PDE7B: variants seen among roughly 807,000 people sequenced by gnomAD.
The protein encoded by PDE7B is phosphodiesterase 7B, also known as 3',5'-cyclic-AMP phosphodiesterase 7B.
Under a neutral mutation model 56.2 loss-of-function variants are expected in PDE7B, and 29 were observed. That is an observed-to-expected ratio of 0.52 (90% CI 0.38 to 0.70). The LOEUF is 0.70. Ranked by LOEUF, PDE7B falls within the 30% of genes least tolerant of loss-of-function variation. The probability of loss-of-function intolerance (pLI) is 0.00; values close to 1 mark genes in which losing one functional copy is unlikely to be tolerated. For missense variants in PDE7B, 490 were observed against 565.0 expected (o/e 0.87, Z 1.35); for synonymous variants, 197 against 196.9 (o/e 1.00, Z 0.00).
intron 2 of PDE7B, among the ~76,000 whole-genome samples, chr6:136,016,775 T>A (rs1388467967): frequency 6.6e-6 from 1 of 151,952 alleles, no homozygotes; most frequent in African/African-American, 2.4e-5. Context: ...AAAAAAAAAA[T>A]GGCTGTTCTA....
At chr6:136,099,990 A>G (rs915552613) in intron 2 of PDE7B, among the ~76,000 whole-genome samples, 2 of 151,922 alleles carry the variant, frequency 1.3e-5, no homozygotes, top group African/African-American at 4.8e-5. Flanking sequence ...CTTTCTACAT[A>G]TGGCTAGCCA....
intron 1 of PDE7B, among the ~76,000 whole-genome samples, chr6:135,901,025 C>T (rs1206401926): frequency 6.6e-6 from 1 of 152,178 alleles, no homozygotes; most frequent in Non-Finnish European, 1.5e-5. Flanking sequence ...CCACCTTGGA[C>T]TTCCACTTAT....
At chr6:135,944,973 T>C (rs1021790381) in intron 1 of PDE7B, among the ~76,000 whole-genome samples, 1 of 152,208 alleles carries the variant, frequency 6.6e-6, no homozygotes, top group Non-Finnish European at 1.5e-5. Flanking sequence ...ACTCAGAATG[T>C]GAATTGATAG....
At chr6:136,152,946 T>C (rs540759757) in intron 6 of PDE7B, among the ~76,000 whole-genome samples, 2 of 152,238 alleles carry the variant, frequency 1.3e-5, no homozygotes, top group African/African-American at 4.8e-5. Context: ...AGGAGGAAAC[T>C]GAGGGAACTT....
At chr6:135,859,010 G>A (rs1775092780) in intron 1 of PDE7B, among the ~76,000 whole-genome samples, 1 of 151,346 alleles carries the variant, frequency 6.6e-6, no homozygotes, top group Non-Finnish European at 1.5e-5. Flanking sequence ...AGCAAGTAAT[G>A]CTTCTTCTGT....
chr6:135,941,520 A>G (rs767164088), intron 1 of PDE7B, among the ~76,000 whole-genome samples: 2 of 152,300 alleles, frequency 1.3e-5, no homozygotes, highest in South Asian at 2.1e-4. Context: ...CACTTTCCCA[A>G]TTGTGGCCCA....
At chr6:135,984,863 T>A (rs568782032) in intron 2 of PDE7B, among the ~76,000 whole-genome samples, 1 of 151,982 alleles carries the variant, frequency 6.6e-6, no homozygotes, top group Non-Finnish European at 1.5e-5. Context: ...AGCTCAGAGC[T>A]TAGAGCTGTT....
intron 8 of PDE7B, among the ~76,000 whole-genome samples, chr6:136,169,420 C>T (rs1387549950): frequency 3.9e-5 from 6 of 152,178 alleles, no homozygotes; most frequent in African/African-American, 1.4e-4. Context: ...TGCTCATCTC[C>T]AAATACAGTT....
chr6:136,130,021 A>AT (rs1778089800), intron 3 of PDE7B, among the ~76,000 whole-genome samples: 3 of 151,926 alleles, frequency 2.0e-5, no homozygotes, highest in Admixed American at 6.6e-5. Flanking sequence ...GTATATTCAT[A>AT]TTTTTTCCAA....
At chr6:136,103,686 G>A (rs1777601279) in intron 2 of PDE7B, among the ~76,000 whole-genome samples, 1 of 152,114 alleles carries the variant, frequency 6.6e-6, no homozygotes, top group South Asian at 2.1e-4. Context: ...CATCTTCCTG[G>A]TTCCTTAGTG....
intron 2 of PDE7B, among the ~76,000 whole-genome samples, chr6:136,042,804 A>G (rs541212213): frequency 6.6e-6 from 1 of 152,368 alleles, no homozygotes; most frequent in Admixed American, 6.5e-5. Context: ...TTCGATCATT[A>G]TAATCAAGAA....
At chr6:136,106,888 C>T (rs1455362869) in intron 2 of PDE7B, among the ~76,000 whole-genome samples, 1 of 152,204 alleles carries the variant, frequency 6.6e-6, no homozygotes, top group Non-Finnish European at 1.5e-5. Flanking sequence ...GCTTTACCCT[C>T]ATTGATGTAA....
intron 3 of PDE7B, among the ~76,000 whole-genome samples, chr6:136,141,325 C>G (rs183183384): frequency 1.6e-3 from 247 of 152,274 alleles, no homozygotes; most frequent in African/African-American, 5.8e-3. Flanking sequence ...CCCACTTGAT[C>G]ATGGTGGATA....
At chr6:136,057,022 C>G (rs1776748957) in intron 2 of PDE7B, among the ~76,000 whole-genome samples, 3 of 152,098 alleles carry the variant, frequency 2.0e-5, no homozygotes, top group South Asian at 4.1e-4. Flanking sequence ...TTACTAAAGT[C>G]TTTGGACCTC....
chr6:136,052,721 G>A (rs1459510216), intron 2 of PDE7B, among the ~76,000 whole-genome samples: 2 of 149,142 alleles, frequency 1.3e-5, no homozygotes, highest in Non-Finnish European at 3.0e-5. Context: ...AAGAAGCAAT[G>A]CTTCCTTTTA....
chr6:136,176,082 G>A (rs1320435039), intron 9 of PDE7B, among the ~76,000 whole-genome samples: 1 of 151,796 alleles, frequency 6.6e-6, no homozygotes, highest in African/African-American at 2.4e-5. Context: ...GCTGATCATT[G>A]CTATTTCTTT....
Position 136,191,786 on chromosome 6 carries a change from C to A in PDE7B, c.1299C>A (p.His433Gln), listed in dbSNP as rs777746234. 6.4e-7 allele frequency: 1 copy of A among 1,571,668 alleles called. No homozygotes were observed. The highest frequency in any genetic ancestry group is 8.6e-7 in the Non-Finnish European group (1 of 1,159,172). Residue 433 changes from histidine (H) to glutamine (Q), a missense_variant, in exon 13 of 13, where the codon CAC becomes CAA. Transcript: ENST00000308191. ...SRGSSGSGPD[H>Q]DHAGQGTESE... ...GCAGCAGTGGCAGCGGGCCTGACCA[C>A]GACCACGCAGGCCAAGGGACTGAGA...
chr6:136,089,631 T>C (rs540879651), intron 2 of PDE7B, among the ~76,000 whole-genome samples: 51 of 152,326 alleles, frequency 3.3e-4, no homozygotes, highest in African/African-American at 1.1e-3. Context: ...TTTCCGAATG[T>C]TGAAAAACAA....
At chr6:136,012,409 G>T (rs1330904867) in intron 2 of PDE7B, among the ~76,000 whole-genome samples, 1 of 152,204 alleles carries the variant, frequency 6.6e-6, no homozygotes, top group African/African-American at 2.4e-5. Context: ...TCAGCCTAGA[G>T]TTATGGAGCT....
Sources: gnomAD v4.1 joint callset for allele counts (sites outside exome capture counted in the v4.1 genomes callset) on GRCh38, gnomAD v4.1.1 for gene constraint, MANE v1.5 for transcripts, NCBI Gene and HGNC (gene_info 2026-07-23, HGNC 2026-07-21) for gene names.